Variants in DCC observed in about 807,000 individuals in gnomAD.
DCC encodes DCC netrin 1 receptor, also known as netrin receptor DCC.
A neutral mutation model predicts 172.5 loss-of-function variants in DCC; 58 were observed. The ratio of observed to expected loss-of-function variants is 0.34; its 90% CI spans 0.27 to 0.42. The LOEUF is 0.42. DCC is among the 10% of genes least tolerant of loss of function. DCC has a pLI of 1.00. For missense variants in DCC, 1,740 were observed against 1,791.0 expected (o/e 0.97, Z 0.51); for synonymous variants, 709 against 644.5 (o/e 1.10, Z -1.52).
At chr18:53,405,920 A>G (rs920771378) in intron 19 of DCC, among the ~76,000 whole-genome samples, 2 of 152,194 alleles carry the variant, frequency 1.3e-5, no homozygotes, top group African/African-American at 4.8e-5. Flanking sequence ...TTATTACACT[A>G]TGTTTTGCTC....
At chr18:52,342,039 G>T (rs928440779) in intron 1 of DCC, among the ~76,000 whole-genome samples, 1 of 152,134 alleles carries the variant, frequency 6.6e-6, no homozygotes, top group Non-Finnish European at 1.5e-5. Flanking sequence ...CCCGGAGTCC[G>T]CAGCTCCGGC....
At chr18:52,400,744 C>T (rs1598786709) in intron 1 of DCC, among the ~76,000 whole-genome samples, 1 of 152,050 alleles carries the variant, frequency 6.6e-6, no homozygotes, top group South Asian at 2.1e-4. Flanking sequence ...CACATATACA[C>T]CATGGAATAC....
intron 2 of DCC, among the ~76,000 whole-genome samples, chr18:52,864,997 C>T (rs1350084064): frequency 6.6e-6 from 1 of 152,088 alleles, no homozygotes; most frequent in Non-Finnish European, 1.5e-5. Flanking sequence ...TCCTGAGTAG[C>T]TAGGACTACA....
At chr18:52,372,258 TG>T (rs1177789632) in intron 1 of DCC, among the ~76,000 whole-genome samples, 2 of 152,204 alleles carry the variant, frequency 1.3e-5, no homozygotes, top group African/African-American at 2.4e-5. Flanking sequence ...CCCGTGTAGC[TG>T]TAGTGCTGAA....
rs910572900 is a variant in DCC at position 52,923,556 on chromosome 18, G to A, written c.698-151G>A. 7 of 680,592 alleles carry A rather than the reference G, an allele frequency of 1.0e-5. No individual in the cohort carries two copies. The African/African-American group carries it at 1.3e-4, about 12-fold the overall frequency. The allele number at this position is 680,592 out of a possible 1,614,324, so 42.2% of individuals were successfully genotyped here. A position where few individuals can be genotyped will look rare whatever the true frequency, so the allele number is the denominator to read the frequency against. On this transcript the variant is annotated intron_variant, in intron 3 of 28. Transcript: ENST00000442544. ...TTCAATATCATAATCCTATACACTT[G>A]GGATGAAAAAAACTATTTTAGGAGT...
intron 2 of DCC, among the ~76,000 whole-genome samples, chr18:52,893,313 A>G (rs1334967119): frequency 6.6e-6 from 1 of 152,080 alleles, no homozygotes; most frequent in Non-Finnish European, 1.5e-5. Flanking sequence ...CAGCAGGGCC[A>G]TTTACAGCCA....
chr18:53,267,917 C>T (rs570990016), intron 12 of DCC, among the ~76,000 whole-genome samples: 1 of 152,128 alleles, frequency 6.6e-6, no homozygotes, highest in African/African-American at 2.4e-5. Context: ...TTGATTACTT[C>T]TAAAGGAGAT....
At chr18:53,117,935 CT>C (rs1300474995) in intron 7 of DCC, among the ~76,000 whole-genome samples, 1 of 150,632 alleles carries the variant, frequency 6.6e-6, no homozygotes, top group Non-Finnish European at 1.5e-5. Context: ...AAACATTCTT[CT>C]TGTCTTATGG....
At chr18:53,369,274 T>C (rs945502396) in intron 15 of DCC, among the ~76,000 whole-genome samples, 9 of 151,990 alleles carry the variant, frequency 5.9e-5, no homozygotes, top group African/African-American at 2.2e-4. Context: ...TTTTTTGTGT[T>C]ATTTTGCTAA....
chr18:52,533,032 C>A (rs905409790), intron 1 of DCC, among the ~76,000 whole-genome samples: 1 of 151,998 alleles, frequency 6.6e-6, no homozygotes, highest in African/African-American at 2.4e-5. Context: ...TTTATATGTA[C>A]AGGATTATAA....
intron 1 of DCC, among the ~76,000 whole-genome samples, chr18:52,661,807 A>G (rs1246103227): frequency 6.6e-6 from 1 of 152,288 alleles, no homozygotes; most frequent in Non-Finnish European, 1.5e-5. Context: ...CTGAAAGCAG[A>G]AAACAATCTC....
At chr18:52,683,648 C>A (rs1161115170) in intron 1 of DCC, among the ~76,000 whole-genome samples, 6 of 152,170 alleles carry the variant, frequency 3.9e-5, no homozygotes, top group African/African-American at 9.6e-5. Context: ...CTCTTCATAA[C>A]CCCTCCAAGA....
chr18:53,271,368 T>C (rs979165784), intron 12 of DCC, among the ~76,000 whole-genome samples: 1 of 152,206 alleles, frequency 6.6e-6, no homozygotes, highest in Non-Finnish European at 1.5e-5. Context: ...GCAACAAATA[T>C]ACATCATCTG....
chr18:53,325,314 C>A (rs181563644), intron 14 of DCC, among the ~76,000 whole-genome samples: 23 of 151,724 alleles, frequency 1.5e-4, no homozygotes, highest in African/African-American at 5.1e-4. Context: ...TGATTCAAGG[C>A]AAACAAACGA....
At chr18:53,503,127 G>GAGCTATGCTTGCAGCAGTTTT (rs2046124869) in intron 27 of DCC, among the ~76,000 whole-genome samples, 1 of 152,086 alleles carries the variant, frequency 6.6e-6, no homozygotes, top group Non-Finnish European at 1.5e-5. Context: ...AAGGCACACA[G>GAGCTATGCTTGCAGCAGTTTT]AGCTATGCTT....
At chr18:53,038,070 A>G (rs753528844) in intron 5 of DCC, among the ~76,000 whole-genome samples, 5 of 151,970 alleles carry the variant, frequency 3.3e-5, no homozygotes, top group Non-Finnish European at 7.4e-5. Flanking sequence ...GATTATTACC[A>G]ATATTTAGCG....
At chr18:52,836,333 A>C (rs1044121069) in intron 2 of DCC, among the ~76,000 whole-genome samples, 7 of 152,204 alleles carry the variant, frequency 4.6e-5, no homozygotes, top group African/African-American at 1.7e-4. Flanking sequence ...ACAGTCTCCC[A>C]AAGTCTTAAC....
In DCC at chr18:52,542,616, A is replaced by C. The variant is rs550026660; in HGVS notation, c.91+201738A>C. 7.2e-5 allele frequency among the ~76,000 whole-genome samples: 11 copies of C among 152,300 alleles called. No individual in the cohort carries two copies. In the South Asian group the frequency reaches 2.1e-3, roughly 29 times the overall value. On this transcript the variant is annotated intron_variant, in intron 1 of 28. Coordinates refer to ENST00000442544, the MANE Select transcript of DCC (RefSeq NM_005215.4). The stretch of plus-strand genomic sequence containing the variant: ...TTTGGAAGGCCGAGGTGGGCAGATC[A>C]CTTGAGGTCAGGAGTTTGAAACCAG...
chr18:52,536,101 A>G (rs2032280483), intron 1 of DCC, among the ~76,000 whole-genome samples: 1 of 152,198 alleles, frequency 6.6e-6, no homozygotes, highest in African/African-American at 2.4e-5. Flanking sequence ...TTTTCAAGCA[A>G]CAAAGTGTGT....
Sources: gnomAD v4.1 joint callset for allele counts (sites outside exome capture counted in the v4.1 genomes callset) on GRCh38, gnomAD v4.1.1 for gene constraint, MANE v1.5 for transcripts, NCBI Gene and HGNC (gene_info 2026-07-23, HGNC 2026-07-21) for gene names.